CADM2: variants seen among roughly 807,000 people sequenced by gnomAD.
CADM2 encodes cell adhesion molecule 2.
CADM2 carries 12 observed loss-of-function variants against 49.8 expected under a neutral mutation model. That is an observed-to-expected ratio of 0.24 (90% CI 0.15 to 0.39). CADM2 has a LOEUF of 0.39. CADM2 is among the 10% of genes least tolerant of loss of function. The pLI is 1.00. For synonymous variants in CADM2, 214 were observed against 175.4 expected (o/e 1.22, Z -1.74); for missense variants, 378 against 492.3 (o/e 0.77, Z 2.20).
intron 1 of CADM2, among the ~76,000 whole-genome samples, chr3:85,590,248 T>A (rs1213369761): frequency 6.6e-6 from 1 of 151,986 alleles, no homozygotes; most frequent in South Asian, 2.1e-4. Flanking sequence ...TATACAGAAG[T>A]GGCCTTTGAC....
At chr3:85,515,631 A>ATATATTTTT (rs1159969286) in intron 1 of CADM2, among the ~76,000 whole-genome samples, 30 of 118,404 alleles carry the variant, frequency 2.5e-4, no homozygotes, top group South Asian at 1.3e-3. Context: ...ATATATATAT[A>ATATATTTTT]TTTTTTTTTT....
intron 1 of CADM2, among the ~76,000 whole-genome samples, chr3:85,195,171 A>C (rs2041311479): frequency 6.6e-6 from 1 of 152,182 alleles, no homozygotes; most frequent in Non-Finnish European, 1.5e-5. Context: ...TGATGTATTG[A>C]GAAAGCATTA....
intron 1 of CADM2, among the ~76,000 whole-genome samples, chr3:85,244,372 G>T (rs936379388): frequency 6.6e-6 from 1 of 152,006 alleles, no homozygotes; most frequent in Non-Finnish European, 1.5e-5. Context: ...TTGAACATCC[G>T]CAGACTCAAC....
At chr3:85,200,478 C>A (rs572194389) in intron 1 of CADM2, among the ~76,000 whole-genome samples, 16 of 151,958 alleles carry the variant, frequency 1.1e-4, no homozygotes, top group Non-Finnish European at 2.1e-4. Context: ...ACACGATGTA[C>A]CCTTCACTTG....
At chr3:85,605,366 T>G (rs1307496109) in intron 1 of CADM2, among the ~76,000 whole-genome samples, 1 of 152,040 alleles carries the variant, frequency 6.6e-6, no homozygotes, top group African/African-American at 2.4e-5. Context: ...GAGAGAAGAA[T>G]TTTTAGAATA....
At chr3:85,824,156 C>T (rs1054947530) in intron 3 of CADM2, among the ~76,000 whole-genome samples, 3 of 152,126 alleles carry the variant, frequency 2.0e-5, no homozygotes, top group South Asian at 2.1e-4. Flanking sequence ...AAAGCACTAA[C>T]TCATATTGTA....
chr3:85,487,739 C>T (rs544263794), intron 1 of CADM2, among the ~76,000 whole-genome samples: 93 of 148,954 alleles, frequency 6.2e-4, no homozygotes, highest in African/African-American at 2.2e-3. Flanking sequence ...TGTGTGTGTG[C>T]GTGTGTGCGT....
chr3:85,103,383 A>G (rs1039043990), intron 1 of CADM2, among the ~76,000 whole-genome samples: 4 of 151,714 alleles, frequency 2.6e-5, no homozygotes, highest in African/African-American at 7.3e-5. Flanking sequence ...AGAAATAATC[A>G]CTGAGCTTCA....
intron 1 of CADM2, among the ~76,000 whole-genome samples, chr3:85,155,265 AC>A (rs1231607854): frequency 6.7e-6 from 1 of 148,314 alleles, no homozygotes; most frequent in Non-Finnish European, 1.5e-5. Context: ...CAAATGGAAA[AC>A]AAAAAAAGGC....
chr3:85,475,809 G>A (rs1199908960), intron 1 of CADM2, among the ~76,000 whole-genome samples: 1 of 151,772 alleles, frequency 6.6e-6, no homozygotes, highest in African/African-American at 2.4e-5. Context: ...TAAGATCCAG[G>A]CACTGTTCCT....
chr3:85,339,266 A>G (rs2045175774), intron 1 of CADM2, among the ~76,000 whole-genome samples: 1 of 151,490 alleles, frequency 6.6e-6, no homozygotes, highest in African/African-American at 2.4e-5. Context: ...AAATTATCTC[A>G]GTGTGTTTAA....
At chr3:85,950,992 G>T (rs548170211) in intron 7 of CADM2, among the ~76,000 whole-genome samples, 1 of 151,200 alleles carries the variant, frequency 6.6e-6, no homozygotes, top group South Asian at 2.1e-4. Flanking sequence ...CTGTCAGACA[G>T]AAGTACTGAT....
At chr3:85,303,390 C>T (rs1036964327) in intron 1 of CADM2, among the ~76,000 whole-genome samples, 1 of 151,918 alleles carries the variant, frequency 6.6e-6, no homozygotes, top group African/African-American at 2.4e-5. Flanking sequence ...AGCTCTCACA[C>T]CCACACTGCG....
intron 2 of CADM2, among the ~76,000 whole-genome samples, chr3:85,765,756 C>G (rs2069625809): frequency 6.6e-6 from 1 of 151,980 alleles, no homozygotes; most frequent in Admixed American, 6.6e-5. Flanking sequence ...TTGAGTCCAC[C>G]TATCTTGTAT....
At chr3:85,408,332 A>G (rs1285226372) in intron 1 of CADM2, among the ~76,000 whole-genome samples, 7 of 152,238 alleles carry the variant, frequency 4.6e-5, no homozygotes, top group Non-Finnish European at 8.8e-5. Context: ...TGAATAGTAA[A>G]TGCATAGGAA....
At chr3:85,636,233 A>C (rs1224991336) in intron 1 of CADM2, among the ~76,000 whole-genome samples, 1 of 152,204 alleles carries the variant, frequency 6.6e-6, no homozygotes, top group Non-Finnish European at 1.5e-5. Context: ...CCAGTGGGAC[A>C]AGACGCAGAG....
At chr3:84,985,881 A>G (rs2032523972) in intron 1 of CADM2, among the ~76,000 whole-genome samples, 1 of 152,210 alleles carries the variant, frequency 6.6e-6, no homozygotes, top group African/African-American at 2.4e-5. Flanking sequence ...TCTTGCTCAT[A>G]TTGACCACTT....
intron 7 of CADM2, among the ~76,000 whole-genome samples, chr3:85,953,862 T>A (rs970430924): frequency 6.6e-6 from 1 of 150,976 alleles, no homozygotes; most frequent in Admixed American, 6.6e-5. Flanking sequence ...ATCTCTTATC[T>A]GTCTTAAGAT....
At chr3:85,021,138 GA>G (rs1241806032) in intron 1 of CADM2, among the ~76,000 whole-genome samples, 14 of 145,098 alleles carry the variant, frequency 9.6e-5, no homozygotes, top group South Asian at 4.4e-4. Context: ...AAAAAAGGGG[GA>G]AAAAAAAGAA....
Sources: allele counts gnomAD v4.1 joint callset (sites outside exome capture counted in the v4.1 genomes callset), GRCh38; gene constraint gnomAD v4.1.1; transcripts MANE v1.5; gene names NCBI Gene and HGNC (gene_info 2026-07-23, HGNC 2026-07-21).